The following CHAT variants were observed in gnomAD, a reference collection of about 807,000 sequenced individuals.
The protein encoded by CHAT is choline O-acetyltransferase.
CHAT carries 61 observed loss-of-function variants against 76.9 expected under a neutral mutation model. The observed-to-expected ratio is 0.79, with a 90% CI of 0.65 to 0.98. The LOEUF is 0.98. CHAT is among the 50% of genes least tolerant of loss of function. The pLI is 0.00. For missense variants in CHAT, 946 were observed against 986.9 expected, an observed-to-expected ratio of 0.96 and a Z score of 0.56; for synonymous variants, 407 against 397.4, an observed-to-expected ratio of 1.02 and a Z score of -0.29.
chr10:49,612,042 C>G (rs748705960), upstream of CHAT: 9 of 1,613,650 alleles, frequency 5.6e-6, no homozygotes, highest in Admixed American at 1.7e-5. Flanking sequence ...CCTACGCGCT[C>G]GGGCCCATAG....
chr10:49,656,717 T>G (rs1840046625), intron 13 of CHAT, among the ~76,000 whole-genome samples: 1 of 152,176 alleles, frequency 6.6e-6, no homozygotes, highest in Non-Finnish European at 1.5e-5. Context: ...GATTTCCCTG[T>G]TACAAAGTGT....
upstream of CHAT, among the ~76,000 whole-genome samples, chr10:49,609,497 G>C (rs1050286163): frequency 6.6e-6 from 1 of 152,014 alleles, no homozygotes; most frequent in African/African-American, 2.4e-5. Flanking sequence ...GGAGCTGGGG[G>C]ACCAGACCGC....
upstream of CHAT, among the ~76,000 whole-genome samples, chr10:49,609,943 C>T (rs904023982): frequency 7.9e-5 from 12 of 152,074 alleles, no homozygotes; most frequent in Non-Finnish European, 1.6e-4. Context: ...CCCAAGGGGC[C>T]TCGAGGAACC....
intron 2 of CHAT, among the ~76,000 whole-genome samples, chr10:49,617,055 C>T (rs572291291): frequency 5.9e-5 from 9 of 152,324 alleles, no homozygotes; most frequent in Admixed American, 5.9e-4. Flanking sequence ...GCCATCCTCC[C>T]TGGGCAGGCA....
At chr10:49,610,666 C>G, upstream of CHAT, 4 of 1,394,184 alleles carry the variant, frequency 2.9e-6, no homozygotes, top group Non-Finnish European at 3.7e-6. Flanking sequence ...AGTCCCGTGC[C>G]CTCGCCTCTG....
At chr10:49,628,185 C>T (rs559710504) in intron 7 of CHAT, among the ~76,000 whole-genome samples, 1 of 152,146 alleles carries the variant, frequency 6.6e-6, no homozygotes, top group East Asian at 1.9e-4. Flanking sequence ...AAGTGGTTCA[C>T]CACCTCTTTC....
At chr10:49,626,914 A>G (rs1484589509) in intron 6 of CHAT, among the ~76,000 whole-genome samples, 1 of 152,264 alleles carries the variant, frequency 6.6e-6, no homozygotes, top group East Asian at 1.9e-4. Flanking sequence ...ACACACATGC[A>G]CACATGTGTA....
chr10:49,643,897 G>T (rs547484072), intron 7 of CHAT, among the ~76,000 whole-genome samples: 5 of 152,232 alleles, frequency 3.3e-5, no homozygotes, highest in African/African-American at 1.2e-4. Context: ...TATGGGGGAG[G>T]GGACCAGACC....
rs747366078 is a variant in CHAT at position 49,646,555 on chromosome 10, G to C, written c.1162G>C (p.Val388Leu). 1.2e-6 allele frequency: 2 copies of C among 1,614,234 alleles called. No individual in the cohort carries two copies. Among genetic ancestry groups the C allele is most frequent in the African/African-American group, 1.3e-5 (1 of 75,060 alleles). Residue 388 changes from valine (V) to leucine (L), a missense_variant, in exon 8 of 15, where the codon GTA (valine) becomes CTA (leucine). Val to Leu is a conservative substitution (Grantham distance 32). This residue lies in a region of CHAT where 548 missense variants were observed against 516.2 expected (regional missense o/e 1.06). Transcript: ENST00000337653. ...LDMIERCICL[V>L]CLDAPGGVEL... ...CATGATTGAGCGCTGCATCTGCCTT[G>C]TATGCCTGGACGCGCCAGGAGGCGT...
chr10:49,655,156 C>T lies in CHAT; in HGVS notation c.1696C>T (p.Arg566Cys), dbSNP rs368957556. ...GTCCATCCGCCGATTCCAGGAGGGACGCGTGGACAACATCAGATCGGCCAC... is the reference window on the plus strand; with the variant it reads ...GTCCATCCGCCGATTCCAGGAGGGATGCGTGGACAACATCAGATCGGCCAC... ...SASIRRFQEG[R>C]VDNIRSATPE... The change falls in exon 12 of 15, where the codon CGC (arginine) becomes TGC (cysteine). Residue 566 changes from arginine (R) to cysteine (C), a missense_variant. By Grantham distance (180) the Arg-to-Cys change is radical (BLOSUM62 -3). Transcript: ENST00000337653. 3.1e-6 allele frequency: 5 copies of T among 1,614,048 alleles called. No individual in the cohort carries two copies. The highest frequency in any genetic ancestry group is 2.2e-5 in the East Asian group (1 of 44,888).
intron 10 of CHAT, among the ~76,000 whole-genome samples, chr10:49,650,494 A>G (rs115884495): frequency 0.019 from 2,884 of 152,312 alleles, 99 homozygotes; most frequent in African/African-American, 0.065. Flanking sequence ...TGGTGCAAGC[A>G]GATGGGGAAG....
chr10:49,615,801 C>G (rs2132699726), intron 1 of CHAT: 1 of 551,994 alleles, frequency 1.8e-6, no homozygotes, highest in Non-Finnish European at 3.2e-6. Flanking sequence ...GGGGCCCTGG[C>G]TGCCCAGCCT....
At chr10:49,625,387 C>T in intron 5 of CHAT, 86 bp from the exon 6 acceptor site, 1 of 1,311,318 alleles carries the variant, frequency 7.6e-7, no homozygotes, top group South Asian at 1.3e-5. Context: ...TTTGCCTGAT[C>T]AAGTTACAAT....
intron 3 of CHAT, 66 bp from the exon 4 acceptor site, chr10:49,620,429 C>T: frequency 1.9e-6 from 2 of 1,064,224 alleles, no homozygotes; most frequent in Non-Finnish European, 2.9e-6. Context: ...TCCCGATTTT[C>T]TCTCGGGGCT....
chr10:49,660,701 G>T (rs1840167377), intron 13 of CHAT, among the ~76,000 whole-genome samples: 1 of 152,152 alleles, frequency 6.6e-6, no homozygotes, highest in South Asian at 2.1e-4. Flanking sequence ...TTATTAAAAT[G>T]TCTAGGAAAA....
At chr10:49,611,038 T>C, upstream of CHAT, 1 of 1,613,918 alleles carries the variant, frequency 6.2e-7, no homozygotes, top group Non-Finnish European at 8.5e-7. Flanking sequence ...CACCTCGGCG[T>C]CCCCGACAGC....
At chr10:49,649,398 C>A in intron 9 of CHAT, 110 bp from the exon 10 acceptor site, 1 of 1,541,324 alleles carries the variant, frequency 6.5e-7, no homozygotes, top group Non-Finnish European at 8.9e-7. Context: ...CCCCCTGAAA[C>A]TCCATGGCCG....
chr10:49,637,887 TTG>T (rs1448779117), intron 7 of CHAT, among the ~76,000 whole-genome samples: 2 of 152,216 alleles, frequency 1.3e-5, no homozygotes, highest in African/African-American at 4.8e-5. Flanking sequence ...TCTTTTCAAT[TTG>T]TTGAGTGTTG....
chr10:49,617,038 A>G (rs1838522929), intron 2 of CHAT, among the ~76,000 whole-genome samples: 1 of 152,080 alleles, frequency 6.6e-6, no homozygotes, highest in Admixed American at 6.5e-5. Flanking sequence ...CACTGGCCTG[A>G]GACAATGCCA....
Sources: allele counts gnomAD v4.1 joint callset (sites outside exome capture counted in the v4.1 genomes callset), GRCh38; gene constraint gnomAD v4.1.1; regional missense constraint gnomAD v4.1.1; transcripts MANE v1.5; gene names NCBI Gene and HGNC (gene_info 2026-07-23, HGNC 2026-07-21).